Variants in GDAP1 observed in about 807,000 individuals in gnomAD.
The protein encoded by GDAP1 is ganglioside-induced differentiation-associated protein 1.
A neutral mutation model predicts 40.1 loss-of-function variants in GDAP1; 34 were observed. That is an observed-to-expected ratio of 0.85 (90% CI 0.64 to 1.13). The LOEUF is 1.13. GDAP1 is among the 50% of genes most tolerant of loss of function. The pLI is 0.00. For missense variants in GDAP1, 374 were observed against 433.7 expected (o/e 0.86, Z 1.22); for synonymous variants, 170 against 157.4 (o/e 1.08, Z -0.60).
At chr8:74,363,637 A>T (rs1004652487) in intron 5 of GDAP1, among the ~76,000 whole-genome samples, 4 of 152,258 alleles carry the variant, frequency 2.6e-5, no homozygotes, top group African/African-American at 9.6e-5. Flanking sequence ...CTAAAGCAGA[A>T]CTGTTTTTAT....
chr8:74,396,860 C>T (rs902350408), intron 2 of GDAP1, among the ~76,000 whole-genome samples: 11 of 152,122 alleles, frequency 7.2e-5, no homozygotes, highest in African/African-American at 2.4e-4. Context: ...TAGTCCTTTG[C>T]ATATATACCC....
intron 2 of GDAP1, among the ~76,000 whole-genome samples, chr8:74,374,465 A>T (rs931463134): frequency 1.1e-4 from 17 of 152,088 alleles, no homozygotes; most frequent in Admixed American, 9.8e-4. Context: ...GGAGCAAATT[A>T]AACCCAAAAC....
chr8:74,479,567 A>T (rs960546086), intron 2 of GDAP1, among the ~76,000 whole-genome samples: 1 of 152,224 alleles, frequency 6.6e-6, no homozygotes, highest in African/African-American at 2.4e-5. Flanking sequence ...TTTGCTGAAT[A>T]GCAAATTACC....
intron 2 of GDAP1, among the ~76,000 whole-genome samples, chr8:74,353,898 G>A (rs936807850): frequency 1.3e-5 from 2 of 152,136 alleles, no homozygotes; most frequent in African/African-American, 4.8e-5. Flanking sequence ...AAATTTTTGT[G>A]TATCTCAGTG....
At chr8:74,476,512 A>G (rs958021107) in intron 2 of GDAP1, among the ~76,000 whole-genome samples, 2 of 152,162 alleles carry the variant, frequency 1.3e-5, no homozygotes, top group Non-Finnish European at 1.5e-5. Context: ...GCTCATCTGA[A>G]AAAGATTTTA....
intron 2 of GDAP1, among the ~76,000 whole-genome samples, chr8:74,428,992 G>T (rs1464376334): frequency 6.6e-6 from 1 of 151,012 alleles, no homozygotes; most frequent in Non-Finnish European, 1.5e-5. Flanking sequence ...GCGATAGTTT[G>T]CTGAGAATGA....
At chr8:74,474,386 T>C (rs1033718793) in intron 2 of GDAP1, among the ~76,000 whole-genome samples, 2 of 152,202 alleles carry the variant, frequency 1.3e-5, no homozygotes, top group African/African-American at 2.4e-5. Flanking sequence ...TTCAGGGGAA[T>C]GCTTCCAGGT....
chr8:74,427,180 T>TAA (rs1247286255), intron 2 of GDAP1, among the ~76,000 whole-genome samples: 1 of 152,206 alleles, frequency 6.6e-6, no homozygotes, highest in Non-Finnish European at 1.5e-5. Context: ...TCAAGATATG[T>TAA]GATCCAGCTG....
chr8:74,467,764 G>C (rs959894430), intron 2 of GDAP1, among the ~76,000 whole-genome samples: 4 of 152,132 alleles, frequency 2.6e-5, no homozygotes, highest in Non-Finnish European at 5.9e-5. Context: ...TGTAGAACCC[G>C]GGGGCTGGAC....
Position 74,350,581 on chromosome 8 carries a change from A to C in GDAP1, c.117+3A>C. Reference sequence around the variant, plus strand: ...CGCATTCCTTCAGCTCTCAAAAGGTACAACAGGCCTTGGCGGCGGAGGGTG... The same window carrying C: ...CGCATTCCTTCAGCTCTCAAAAGGTCCAACAGGCCTTGGCGGCGGAGGGTG... On this transcript the variant is annotated splice_donor_region_variant and intron_variant, in intron 1 of 5. Coordinates refer to ENST00000220822, the MANE Select transcript of GDAP1 (RefSeq NM_018972.4). 1 of 1,543,910 alleles carries C rather than the reference A, an allele frequency of 6.5e-7. No homozygotes were observed. Among genetic ancestry groups the C allele is most frequent in the Non-Finnish European group, 9.0e-7 (1 of 1,115,874 alleles).
At chr8:74,471,223 T>A (rs1806549774) in intron 2 of GDAP1, among the ~76,000 whole-genome samples, 1 of 152,194 alleles carries the variant, frequency 6.6e-6, no homozygotes, top group South Asian at 2.1e-4. Context: ...TGGTAGTTTC[T>A]TTTGCTGTGC....
chr8:74,487,213 G>A (rs1410047357), intron 2 of GDAP1, among the ~76,000 whole-genome samples: 1 of 152,062 alleles, frequency 6.6e-6, no homozygotes, highest in Non-Finnish European at 1.5e-5. Context: ...AGTTGTCTTA[G>A]AATTAGCAGT....
chr8:74,476,554 A>T (rs1169906517), intron 2 of GDAP1, among the ~76,000 whole-genome samples: 1 of 152,164 alleles, frequency 6.6e-6, no homozygotes, highest in Non-Finnish European at 1.5e-5. Flanking sequence ...TTAGTCTGGC[A>T]GGATATGAAA....
chr8:74,364,384 T>C lies in GDAP1; in HGVS notation c.*17T>C. ...TATTTCTAGGTTTGTTGGGATCTTG[T>C]CGTGGCAGCTCATCCAAGCATTTAG... On this transcript the variant is annotated 3_prime_UTR_variant, in exon 6 of 6. Coordinates refer to ENST00000220822, the MANE Select transcript of GDAP1 (RefSeq NM_018972.4). The C allele has an allele frequency of 6.2e-7, 1 of 1,609,304 alleles. No homozygotes were observed. Among genetic ancestry groups the C allele is most frequent in the Non-Finnish European group, 8.5e-7 (1 of 1,179,436 alleles).
At position 74,421,348 on chromosome 8, in the gene GDAP1, T is replaced by TACA. The variant is rs1197629666; in HGVS notation, c.166-67329_166-67327dup. 2.6e-5 allele frequency among the ~76,000 whole-genome samples: 4 copies of TACA among 152,268 alleles called. No homozygotes were observed. In the East Asian group the frequency reaches 7.7e-4, roughly 29 times the overall value. On this transcript the variant is annotated intron_variant, in intron 2 of 2. Transcript: ENST00000523640. The stretch of plus-strand genomic sequence containing the variant: ...TTTTTTTTTTCCCTATAGGGTTTAT[T>TACA]ACATGTGCTTTTTTTCTGAACTGAA...
chr8:74,392,666 C>G (rs1810128635), intron 2 of GDAP1, among the ~76,000 whole-genome samples: 1 of 152,206 alleles, frequency 6.6e-6, no homozygotes, highest in Non-Finnish European at 1.5e-5. Flanking sequence ...ACTACATTTT[C>G]CAGCATCCTT....
chr8:74,394,952 A>C (rs1810171080), intron 2 of GDAP1, among the ~76,000 whole-genome samples: 1 of 152,222 alleles, frequency 6.6e-6, no homozygotes, highest in Non-Finnish European at 1.5e-5. Flanking sequence ...TGCATGCCAG[A>C]GGCCCAGAAA....
At chr8:74,351,536 TCTCTCTCTC>T (rs1808876244) in intron 2 of GDAP1, 70 bp downstream of exon 2, 4 of 1,112,880 alleles carry the variant, frequency 3.6e-6, no homozygotes, top group Non-Finnish European at 5.5e-6. Context: ...TTTCTCTTTT[TCTCTCTCTC>T]CTCTCTCTCT....
intron 2 of GDAP1, among the ~76,000 whole-genome samples, chr8:74,372,297 C>T (rs1017263289): frequency 3.9e-5 from 6 of 152,144 alleles, no homozygotes; most frequent in South Asian, 2.1e-4. Context: ...AATGGGATGG[C>T]TGGGTCAAAT....
Sources: allele counts gnomAD v4.1 joint callset (sites outside exome capture counted in the v4.1 genomes callset), GRCh38; gene constraint gnomAD v4.1.1; transcripts MANE v1.5; gene names NCBI Gene and HGNC (gene_info 2026-07-23, HGNC 2026-07-21).